The following SLC17A5 variants were observed in gnomAD, a reference collection of about 807,000 sequenced individuals.
The protein encoded by SLC17A5 is solute carrier family 17 member 5.
In SLC17A5, 47 loss-of-function variants were observed where a neutral mutation model predicts 59.4. That is an observed-to-expected ratio of 0.79 (90% CI 0.63 to 1.01). SLC17A5 has a LOEUF of 1.01. SLC17A5 is among the 50% of genes least tolerant of loss of function. SLC17A5 has a pLI of 0.00. For missense variants in SLC17A5, 522 were observed against 595.5 expected (o/e 0.88, Z 1.28); for synonymous variants, 202 against 210.7 (o/e 0.96, Z 0.36).
chr6:73,635,578 T>C (rs1191804023), intron 5 of SLC17A5, 78 bp from the exon 6 acceptor site: 1 of 729,440 alleles, frequency 1.4e-6, no homozygotes, highest in East Asian at 2.7e-5. Context: ...AACACAAAAT[T>C]AGAAAGCACC....
chr6:73,622,642 T>G (rs1768205171), intron 6 of SLC17A5, among the ~76,000 whole-genome samples: 1 of 152,136 alleles, frequency 6.6e-6, no homozygotes, highest in African/African-American at 2.4e-5. Context: ...GAGGTTGACA[T>G]AAGGATAAAG....
chr6:73,618,968 C>A (rs1357248325), intron 7 of SLC17A5, among the ~76,000 whole-genome samples: 1 of 152,150 alleles, frequency 6.6e-6, no homozygotes, highest in Non-Finnish European at 1.5e-5. Context: ...CACAGGCAAT[C>A]CGCCCGCCTC....
At chr6:73,630,397 G>A (rs965696304) in intron 6 of SLC17A5, among the ~76,000 whole-genome samples, 1 of 152,182 alleles carries the variant, frequency 6.6e-6, no homozygotes, top group Non-Finnish European at 1.5e-5. Flanking sequence ...CTACCTATAA[G>A]TACTGACTTT....
chr6:73,632,645 G>A (rs1768800147), intron 6 of SLC17A5, among the ~76,000 whole-genome samples: 1 of 151,324 alleles, frequency 6.6e-6, no homozygotes, highest in African/African-American at 2.4e-5. Context: ...GTCTCGTCAT[G>A]TTGCCCAGGC....
intron 8 of SLC17A5, among the ~76,000 whole-genome samples, chr6:73,612,133 C>T (rs1767662390): frequency 6.6e-6 from 1 of 151,830 alleles, no homozygotes; most frequent in Non-Finnish European, 1.5e-5. Flanking sequence ...GTGCCTCAGC[C>T]TCCTGAGTAG....
rs796102743 is a variant in SLC17A5, at chr6:73,636,805, G to C, written c.614-98C>G. On this transcript the variant is annotated intron_variant, in intron 4 of 10. Coordinates refer to ENST00000355773, the MANE Select transcript of SLC17A5 (RefSeq NM_012434.5). ...TTACAGAGGATGGGTAACAGGCTGG[G>C]CACAGTGGCTCATTCCTGTAATCCC... The C allele has an allele frequency of 4.2e-5, 37 of 878,808 alleles. No individual in the cohort carries two copies. The African/African-American group carries it at 4.9e-4, about 12-fold the overall frequency. The allele number at this position is 878,808 out of a possible 1,614,324, so 54.4% of individuals were successfully genotyped here. A position where few individuals can be genotyped will look rare whatever the true frequency, so the allele number is the denominator to read the frequency against.
chr6:73,601,965 G>A (rs1335438373), intron 9 of SLC17A5, among the ~76,000 whole-genome samples: 1 of 152,178 alleles, frequency 6.6e-6, no homozygotes, highest in African/African-American at 2.4e-5. Flanking sequence ...AGAACGGGCT[G>A]GGATGACAAT....
At chr6:73,642,396 C>G (rs1434957990) in intron 2 of SLC17A5, among the ~76,000 whole-genome samples, 1 of 151,978 alleles carries the variant, frequency 6.6e-6, no homozygotes, top group Non-Finnish European at 1.5e-5. Context: ...TGGTTTTAAT[C>G]CTAGCTCTAT....
rs756099896 is a variant in SLC17A5, at chr6:73,653,770, C to T, written c.94+23G>A. On this transcript the variant is annotated intron_variant, in intron 1 of 10. Coordinates refer to ENST00000355773, the MANE Select transcript of SLC17A5 (RefSeq NM_012434.5). ...CCCGGTACCGCTGCCCACTCGAAGC[C>T]CCTGGACGACCCCGCCGCTTACCGG... 3.2e-6 allele frequency: 5 copies of T among 1,559,254 alleles called. No individual in the cohort carries two copies. The Admixed American group carries it at 7.6e-5, about 24-fold the overall frequency.
Position 73,653,961 on chromosome 6 carries a change from G to T in SLC17A5, c.-75C>A. 1 of 1,339,656 alleles carries T rather than the reference G, an allele frequency of 7.5e-7. No individual in the cohort carries two copies. Among genetic ancestry groups the T allele is most frequent in the Non-Finnish European group, 1.0e-6 (1 of 959,006 alleles). 83.0% of individuals were successfully genotyped at this position (1,339,656 alleles called of 1,614,324 possible). On this transcript the variant is annotated 5_prime_UTR_variant, in exon 1 of 11. Transcript: ENST00000355773. ...CGGCCCGACAGCCCGAAGCCCCCGG[G>T]CCGAGCTGGCTGGACCGGGCGGGGC...
chr6:73,634,952 C>T (rs1416180579), intron 6 of SLC17A5, among the ~76,000 whole-genome samples: 1 of 152,006 alleles, frequency 6.6e-6, no homozygotes, highest in African/African-American at 2.4e-5. Context: ...AAACTTAAGA[C>T]TCATTTGATA....
In SLC17A5 at chr6:73,615,463, A is replaced by T; in HGVS notation, c.979-16T>A. ...AAAACCCATTCTGGAAGGAATAAGA[A>T]GATACAGGATTAATTACGGTGAGAG... On this transcript the variant is annotated splice_polypyrimidine_tract_variant and intron_variant, in intron 7 of 10. Coordinates refer to ENST00000355773, the MANE Select transcript of SLC17A5 (RefSeq NM_012434.5). The T allele has an allele frequency of 6.2e-7, 1 of 1,613,584 alleles. No homozygotes were observed. Among genetic ancestry groups the T allele is most frequent in the Non-Finnish European group, 8.5e-7 (1 of 1,179,752 alleles).
At chr6:73,619,020 C>T (rs538633265) in intron 7 of SLC17A5, among the ~76,000 whole-genome samples, 4 of 152,200 alleles carry the variant, frequency 2.6e-5, no homozygotes, top group Non-Finnish European at 5.9e-5. Context: ...TGCGCCCGGC[C>T]ACTGTAGGGT....
At chr6:73,596,275 G>T (rs1178718435) in intron 10 of SLC17A5, among the ~76,000 whole-genome samples, 1 of 152,120 alleles carries the variant, frequency 6.6e-6, no homozygotes, top group African/African-American at 2.4e-5. Flanking sequence ...CAGGTGAAAG[G>T]TGTCAGGTGG....
intron 3 of SLC17A5, among the ~76,000 whole-genome samples, chr6:73,638,834 T>G (rs1457383335): frequency 6.6e-6 from 1 of 151,812 alleles, no homozygotes; most frequent in Non-Finnish European, 1.5e-5. Context: ...TCCCCAAAGA[T>G]TCATGGATTT....
chr6:73,650,507 C>CAAAAAAAAAAAAAAAA (rs999445559), intron 1 of SLC17A5, among the ~76,000 whole-genome samples: 3 of 35,562 alleles, frequency 8.4e-5, no homozygotes, highest in Middle Eastern at 0.02. Context: ...GACTCCGTCT[C>CAAAAAAAAAAAAAAAA]AAAAAAAAAA....
intron 1 of SLC17A5, among the ~76,000 whole-genome samples, chr6:73,646,893 C>T (rs1053547869): frequency 6.6e-6 from 1 of 152,086 alleles, no homozygotes; most frequent in African/African-American, 2.4e-5. Context: ...CCAGGCTGGT[C>T]TTGAACTTTT....
intron 3 of SLC17A5, among the ~76,000 whole-genome samples, chr6:73,639,109 C>A (rs1282166952): frequency 6.6e-6 from 1 of 152,090 alleles, no homozygotes; most frequent in Non-Finnish European, 1.5e-5. Context: ...ATGTTTACAG[C>A]CTTTCTTCTT....
At chr6:73,623,772 A>G (rs1768273649) in intron 6 of SLC17A5, among the ~76,000 whole-genome samples, 1 of 151,124 alleles carries the variant, frequency 6.6e-6, no homozygotes. Context: ...ATTTCGGCTC[A>G]CTGCAACTTC....
Sources: gnomAD v4.1 joint callset for allele counts (sites outside exome capture counted in the v4.1 genomes callset) on GRCh38, gnomAD v4.1.1 for gene constraint, MANE v1.5 for transcripts, NCBI Gene and HGNC (gene_info 2026-07-23, HGNC 2026-07-21) for gene names.